The following PRKN variants were observed in gnomAD, a reference collection of about 807,000 sequenced individuals.
PRKN encodes the protein E3 ubiquitin-protein ligase parkin.
PRKN carries 56 observed loss-of-function variants against 59.5 expected under a neutral mutation model. The observed-to-expected ratio is 0.94, with a 90% CI of 0.76 to 1.18. The LOEUF is 1.18. PRKN is among the 50% of genes most tolerant of loss of function. The probability of loss-of-function intolerance (pLI) is 0.00; values close to 1 mark genes in which losing one functional copy is unlikely to be tolerated. For missense variants in PRKN, 657 were observed against 596.4 expected (o/e 1.10, Z -1.06); for synonymous variants, 250 against 222.1 (o/e 1.13, Z -1.12).
At chr6:161,644,940 C>G (rs1362290043) in intron 7 of PRKN, among the ~76,000 whole-genome samples, 1 of 152,152 alleles carries the variant, frequency 6.6e-6, no homozygotes, top group Non-Finnish European at 1.5e-5. Flanking sequence ...AGACTGGAAG[C>G]AGAAGTAGGG....
At chr6:162,400,128 A>C (rs1444113271) in intron 2 of PRKN, among the ~76,000 whole-genome samples, 1 of 151,934 alleles carries the variant, frequency 6.6e-6, no homozygotes, top group Non-Finnish European at 1.5e-5. Flanking sequence ...AATTGCTTGA[A>C]CCTGGGAGGT....
chr6:161,550,086 A>T lies in PRKN; in HGVS notation c.934-1083T>A, dbSNP rs1481741123. Among the ~76,000 whole-genome samples the T allele has an allele frequency of 6.6e-6, 1 of 152,206 alleles. No individual in the cohort carries two copies. Among genetic ancestry groups the T allele is most frequent in the Non-Finnish European group, 1.5e-5 (1 of 68,048 alleles). On this transcript the variant is annotated intron_variant, in intron 8 of 11. Coordinates refer to ENST00000366898, the MANE Select transcript of PRKN (RefSeq NM_004562.3). The surrounding 1 kb of genome is among the most constrained non-coding windows in gnomAD (Gnocchi z 4.0). ...GAAGGAGATTAGAAATGCAAGTCAC[A>T]TGGATCCCTGGGGGAATAAGCATTC...
chr6:162,022,689 T>C (rs77182940), intron 5 of PRKN, among the ~76,000 whole-genome samples: 23,846 of 152,214 alleles, frequency 0.16, 1,954 homozygotes, highest in South Asian at 0.25. Flanking sequence ...ATTTTTGTTT[T>C]TGTTGCATTT....
chr6:161,598,801 G>T (rs575133250), intron 7 of PRKN, among the ~76,000 whole-genome samples: 40 of 152,256 alleles, frequency 2.6e-4, no homozygotes, highest in African/African-American at 9.6e-4. Context: ...ATGTTGGGTG[G>T]CCATGGATGT....
In PRKN at chr6:162,201,169, A is replaced by T; in HGVS notation, c.496T>A (p.Cys166Ser). 6.2e-7 allele frequency: 1 copy of T among 1,614,126 alleles called. No individual in the cohort carries two copies. The highest frequency in any genetic ancestry group is 1.1e-5 in the South Asian group (1 of 91,082). The change falls in exon 4 of 12, where the codon TGC becomes AGC. Residue 166 changes from cysteine to serine, a missense_variant. Cys to Ser is a moderately radical substitution (Grantham distance 112, BLOSUM62 -1). Transcript: ENST00000366898. ...AGCGTTGCCTGCCTGCAGGTGCTGC[A>T]CTGTACCCTGAGTTTTCCCGGCTGC... ...RVQPGKLRVQ[C>S]STCRQATLTL...
Position 161,566,918 on chromosome 6 carries a change from T to C in PRKN, c.933+2437A>G, listed in dbSNP as rs1179966864. On this transcript the variant is annotated intron_variant, in intron 8 of 11. Transcript: ENST00000366898. The surrounding 1 kb of genome is among the most constrained non-coding windows in gnomAD (Gnocchi z 4.1). ...TTCCCAGATGTCACCATGAGGCTTC[T>C]CTGGATACCTTTCAGTCTTTATTCA... Among the ~76,000 whole-genome samples, 16 of 152,140 alleles carry C rather than the reference T, an allele frequency of 1.1e-4. No homozygotes were observed. Among genetic ancestry groups the C allele is most frequent in the Non-Finnish European group, 2.2e-4 (15 of 68,028 alleles).
At chr6:162,570,823 G>C (rs930407190) in intron 1 of PRKN, among the ~76,000 whole-genome samples, 2 of 152,096 alleles carry the variant, frequency 1.3e-5, no homozygotes, top group Non-Finnish European at 2.9e-5. Context: ...GAAGGTAGAG[G>C]GAGGATGGGA....
intron 9 of PRKN, among the ~76,000 whole-genome samples, chr6:161,532,969 G>A (rs1005968183): frequency 5.9e-5 from 9 of 152,064 alleles, no homozygotes; most frequent in African/African-American, 1.2e-4. Flanking sequence ...GAAACAGTAA[G>A]GAAAATTTGC....
In PRKN at chr6:161,458,463, G is replaced by A. The variant is rs956943348; in HGVS notation, c.1084-71586C>T. On this transcript the variant is annotated intron_variant, in intron 9 of 11. Transcript: ENST00000366898. The surrounding 1 kb of genome is among the most constrained non-coding windows in gnomAD (Gnocchi z 6.1). Reference sequence around the variant, plus strand: ...GGCAGCCGTCTGTCTACCTCCTGCCGGCTGCCTGTCTCCTAAAATGTCTGC... The same window carrying A: ...GGCAGCCGTCTGTCTACCTCCTGCCAGCTGCCTGTCTCCTAAAATGTCTGC... Among the ~76,000 whole-genome samples the A allele has an allele frequency of 2.6e-5, 4 of 152,210 alleles. No homozygotes were observed. Among genetic ancestry groups the A allele is most frequent in the Admixed American group, 6.5e-5 (1 of 15,282 alleles).
At chr6:162,252,793 T>C (rs904732820) in intron 3 of PRKN, among the ~76,000 whole-genome samples, 1 of 152,280 alleles carries the variant, frequency 6.6e-6, no homozygotes, top group East Asian at 1.9e-4. Context: ...TATTTTGTCA[T>C]AGCAGCCCAA....
chr6:162,455,277 C>T (rs62430726), intron 1 of PRKN, among the ~76,000 whole-genome samples: 5,427 of 152,284 alleles, frequency 0.036, 142 homozygotes, highest in South Asian at 0.074. Flanking sequence ...AGCCAGCCAT[C>T]CACCCATCCA....
chr6:161,571,826 G>A (rs73782942), intron 7 of PRKN, among the ~76,000 whole-genome samples: 7,957 of 152,170 alleles, frequency 0.052, 703 homozygotes, highest in African/African-American at 0.18. Context: ...GGCAGGCATC[G>A]TCCCATCCAC....
intron 9 of PRKN, among the ~76,000 whole-genome samples, chr6:161,452,574 C>T (rs1789784700): frequency 6.6e-6 from 1 of 152,180 alleles, no homozygotes; most frequent in Admixed American, 6.5e-5. Flanking sequence ...AAACATTTCT[C>T]TACTTAATTC....
chr6:161,762,959 G>A (rs112837988), intron 7 of PRKN, among the ~76,000 whole-genome samples: 2,995 of 152,242 alleles, frequency 0.02, 68 homozygotes, highest in South Asian at 0.07. Context: ...ATGAAATACT[G>A]AGAGACTACT....
In PRKN at chr6:161,533,721, T is replaced by G. The variant is rs1408857168; in HGVS notation, c.1083+15133A>C. 6.6e-6 allele frequency among the ~76,000 whole-genome samples: 1 copy of G among 151,832 alleles called. No homozygotes were observed. The highest frequency in any genetic ancestry group is 1.5e-5 in the Non-Finnish European group (1 of 67,962). The stretch of plus-strand genomic sequence containing the variant: ...CCACCTTAACCCTTTTTTTCAGACA[T>G]CTCTCTCTCTTGCAAGGAGCTGCCC... On this transcript the variant is annotated intron_variant, in intron 9 of 11. Transcript: ENST00000366898. The surrounding 1 kb of genome is among the most constrained non-coding windows in gnomAD (Gnocchi z 4.1).
chr6:161,695,323 T>G (rs773630566), intron 7 of PRKN, among the ~76,000 whole-genome samples: 2 of 152,190 alleles, frequency 1.3e-5, no homozygotes, highest in Non-Finnish European at 2.9e-5. Context: ...TCCTCTATAA[T>G]GATGAACAAA....
intron 5 of PRKN, among the ~76,000 whole-genome samples, chr6:161,995,986 T>G (rs2128260579): frequency 6.6e-6 from 1 of 152,054 alleles, no homozygotes; most frequent in East Asian, 1.9e-4. Context: ...CACAAAAAAT[T>G]AAAAAATCCC....
chr6:161,406,476 G>A (rs1452224805), intron 9 of PRKN, among the ~76,000 whole-genome samples: 1 of 152,110 alleles, frequency 6.6e-6, no homozygotes, highest in Non-Finnish European at 1.5e-5. Flanking sequence ...TTCAATCACT[G>A]TAACTTGATA....
In PRKN at chr6:161,376,837, A is replaced by T. The variant is rs1375413719; in HGVS notation, c.1167+9957T>A. 6.6e-6 allele frequency among the ~76,000 whole-genome samples: 1 copy of T among 152,170 alleles called. No individual in the cohort carries two copies. The highest frequency in any genetic ancestry group is 6.5e-5 in the Admixed American group (1 of 15,286). ...GCACCCCAAGACACTCCCTGCCTGC[A>T]AGTCTCAGAGCCTGTTCTCCTGGGA... is the stretch of plus-strand genomic sequence containing the variant. On this transcript the variant is annotated intron_variant, in intron 10 of 11. Transcript: ENST00000366898. This position sits in a 1 kb window ranked among gnomAD's most constrained non-coding sequence, Gnocchi z 7.3.
Sources: allele counts gnomAD v4.1 joint callset (sites outside exome capture counted in the v4.1 genomes callset), GRCh38; gene constraint gnomAD v4.1.1; non-coding constraint Gnocchi (gnomAD v3.1); transcripts MANE v1.5; gene names NCBI Gene and HGNC (gene_info 2026-07-23, HGNC 2026-07-21).